The following SLC4A7 variants were observed in gnomAD, a reference collection of about 807,000 sequenced individuals.
SLC4A7 encodes solute carrier family 4 member 7.
In SLC4A7, 51 loss-of-function variants were observed where a neutral mutation model predicts 137.6. That is an observed-to-expected ratio of 0.37 (90% confidence interval 0.30 to 0.47). The LOEUF is 0.47. Among genes scored for constraint, SLC4A7 ranks in the 20% least tolerant of loss-of-function variants. The probability of loss-of-function intolerance (pLI) is 1.00; values close to 1 mark genes in which losing one functional copy is unlikely to be tolerated. For missense variants in SLC4A7, 1,247 were observed against 1,525.4 expected, an observed-to-expected ratio of 0.82 and a Z score of 3.04; for synonymous variants, 542 against 518.6, an observed-to-expected ratio of 1.05 and a Z score of -0.61.
chr3:27,475,337 C>T (rs747954947), intron 1 of SLC4A7, among the ~76,000 whole-genome samples: 5 of 150,322 alleles, frequency 3.3e-5, no homozygotes, highest in Non-Finnish European at 7.4e-5. Context: ...GATCCTAAGA[C>T]GAGCCCTACG....
chr3:27,478,800 C>T (rs569307505), intron 1 of SLC4A7, among the ~76,000 whole-genome samples: 171 of 131,570 alleles, frequency 1.3e-3, no homozygotes, highest in African/African-American at 4.6e-3. Context: ...CCAGCCTGGC[C>T]AACATAGTGA....
At chr3:27,390,478 G>C (rs7621096) in intron 21 of SLC4A7, among the ~76,000 whole-genome samples, 4,685 of 152,136 alleles carry the variant, frequency 0.031, 252 homozygotes, top group African/African-American at 0.11. Flanking sequence ...GACTTCTAAG[G>C]TTCTTCACAA....
At chr3:27,425,014 T>G (rs973435604) in intron 7 of SLC4A7, among the ~76,000 whole-genome samples, 1 of 152,200 alleles carries the variant, frequency 6.6e-6, no homozygotes, top group Non-Finnish European at 1.5e-5. Flanking sequence ...AAAACACAGC[T>G]TAATATGAGA....
chr3:27,415,864 A>G (rs544638056), intron 11 of SLC4A7, among the ~76,000 whole-genome samples: 3 of 152,360 alleles, frequency 2.0e-5, no homozygotes, highest in East Asian at 1.9e-4. Context: ...CAAAAAAGCA[A>G]AAGTGTTCAT....
chr3:27,465,063 C>T (rs1458994172), intron 1 of SLC4A7, among the ~76,000 whole-genome samples: 1 of 152,018 alleles, frequency 6.6e-6, no homozygotes, highest in Admixed American at 6.6e-5. Flanking sequence ...TTTGGGAGGC[C>T]AAGGTGGGCG....
chr3:27,483,711 G>C (rs1183495098), intron 1 of SLC4A7, among the ~76,000 whole-genome samples: 2 of 152,200 alleles, frequency 1.3e-5, no homozygotes, highest in Non-Finnish European at 2.9e-5. Flanking sequence ...CCCCGCCTGG[G>C]GAGCGCGCTA....
At chr3:27,413,033 T>C (rs1342977802) in intron 11 of SLC4A7, among the ~76,000 whole-genome samples, 1 of 152,158 alleles carries the variant, frequency 6.6e-6, no homozygotes, top group African/African-American at 2.4e-5. Context: ...AAATAACTTT[T>C]AAAGACTGCT....
At chr3:27,438,886 GT>G (rs145530210) in intron 3 of SLC4A7, among the ~76,000 whole-genome samples, 34 of 152,288 alleles carry the variant, frequency 2.2e-4, no homozygotes, top group South Asian at 4.1e-4. Context: ...TAAGCTTGGG[GT>G]TTTGGGGTGG....
At chr3:27,422,182 A>C (rs1263709833) in intron 8 of SLC4A7, among the ~76,000 whole-genome samples, 1 of 152,244 alleles carries the variant, frequency 6.6e-6, no homozygotes, top group Non-Finnish European at 1.5e-5. Flanking sequence ...CATTTTATGT[A>C]AAGTCCCCCT....
chr3:27,477,717 G>A (rs1010190919), intron 1 of SLC4A7, among the ~76,000 whole-genome samples: 6 of 151,912 alleles, frequency 3.9e-5, no homozygotes, highest in South Asian at 2.1e-4. Context: ...CGATTCTCCC[G>A]CCTCATCCTG....
chr3:27,466,892 T>G (rs74865201), intron 1 of SLC4A7, among the ~76,000 whole-genome samples: 4,661 of 152,236 alleles, frequency 0.031, 247 homozygotes, highest in African/African-American at 0.11. Context: ...TCTTTATATT[T>G]TCCTATACTC....
Position 27,459,332 on chromosome 3 carries a change from A to G in SLC4A7, c.61-6834T>C, listed in dbSNP as rs188462950. ...CACTATCATGGACACTACCAAACCA[A>G]TATTCCAATAAAATTTTAAAAATCA... is the stretch of plus-strand genomic sequence containing the variant. On this transcript the variant is annotated intron_variant, in intron 1 of 25. Coordinates refer to ENST00000454389, the MANE Select transcript of SLC4A7 (RefSeq NM_001321103.2). Among the ~76,000 whole-genome samples the G allele has an allele frequency of 1.4e-3, 219 of 152,318 alleles. 2 individuals carry two copies. Among genetic ancestry groups the G allele is most frequent in the Admixed American group, 5.2e-3 (79 of 15,308 alleles).
At chr3:27,452,042 CACCTATAAA>C (rs2058106483) in intron 2 of SLC4A7, among the ~76,000 whole-genome samples, 1 of 152,062 alleles carries the variant, frequency 6.6e-6, no homozygotes, top group Non-Finnish European at 1.5e-5. Context: ...GCTAATGTAA[CACCTATAAA>C]ATGAATGTTG....
intron 18 of SLC4A7, 27 bp from the exon 19 acceptor site, chr3:27,395,142 A>G: frequency 6.5e-7 from 1 of 1,532,590 alleles, no homozygotes; most frequent in Non-Finnish European, 8.8e-7. Context: ...TATAATTTTC[A>G]AAAAGTCTCC....
At chr3:27,427,098 T>C (rs1007721759) in intron 7 of SLC4A7, among the ~76,000 whole-genome samples, 1 of 152,194 alleles carries the variant, frequency 6.6e-6, no homozygotes, top group African/African-American at 2.4e-5. Context: ...CCCAAGGGAC[T>C]TGTGACAATG....
intron 24 of SLC4A7, among the ~76,000 whole-genome samples, chr3:27,381,950 G>A (rs758875263): frequency 3.3e-5 from 5 of 152,008 alleles, no homozygotes; most frequent in Non-Finnish European, 5.9e-5. Context: ...GTAGCTGGGC[G>A]TGGTGGCAGG....
At chr3:27,468,166 T>C (rs1238848347) in intron 1 of SLC4A7, among the ~76,000 whole-genome samples, 1 of 152,130 alleles carries the variant, frequency 6.6e-6, no homozygotes. Flanking sequence ...TGACTTCAAG[T>C]GATCCGCCCG....
chr3:27,447,823 A>G (rs1378721420), intron 3 of SLC4A7, among the ~76,000 whole-genome samples: 1 of 151,882 alleles, frequency 6.6e-6, no homozygotes, highest in Non-Finnish European at 1.5e-5. Context: ...CTTTTATATA[A>G]CTAATATTAT....
At chr3:27,438,681 C>T (rs1239008852) in intron 3 of SLC4A7, among the ~76,000 whole-genome samples, 2 of 144,042 alleles carry the variant, frequency 1.4e-5, no homozygotes, top group Non-Finnish European at 3.1e-5. Flanking sequence ...ATAAAAATAA[C>T]ACAACATAAC....
Sources: allele counts gnomAD v4.1 joint callset (sites outside exome capture counted in the v4.1 genomes callset), GRCh38; gene constraint gnomAD v4.1.1; transcripts MANE v1.5; gene names NCBI Gene and HGNC (gene_info 2026-07-23, HGNC 2026-07-21).